The following MIER1 variants were observed in gnomAD, a reference collection of about 807,000 sequenced individuals.
MIER1 encodes mesoderm induction early response protein 1.
In MIER1, 40 loss-of-function variants were observed where a neutral mutation model predicts 75.7. The observed-to-expected ratio is 0.53, with a 90% CI of 0.41 to 0.69. MIER1 has a LOEUF of 0.69. Among genes scored for constraint, MIER1 ranks in the 30% least tolerant of loss-of-function variants. The pLI, the probability that MIER1 is intolerant of heterozygous loss-of-function variation, is 0.00. For synonymous variants in MIER1, 213 were observed against 223.4 expected, an observed-to-expected ratio of 0.95 and a Z score of 0.42; for missense variants, 574 against 680.2, an observed-to-expected ratio of 0.84 and a Z score of 1.74.
intron 4 of MIER1, among the ~76,000 whole-genome samples, chr1:66,950,271 G>A (rs1314823344): frequency 2.0e-5 from 3 of 152,054 alleles, no homozygotes; most frequent in Non-Finnish European, 2.9e-5. Flanking sequence ...ACCAAGCCCA[G>A]CTAATTTTTG....
chr1:66,930,308 TC>T, intron 2 of MIER1: 3 of 1,574,498 alleles, frequency 1.9e-6, no homozygotes, highest in Non-Finnish European at 8.6e-7. Context: ...GCGGCCGGAG[TC>T]CCGTTGCTGA....
intron 10 of MIER1, 65 bp downstream of exon 10, chr1:66,971,801 A>G (rs1558098727): frequency 2.4e-6 from 2 of 819,710 alleles, no homozygotes; most frequent in Non-Finnish European, 4.0e-6. Context: ...TTTTCAGTTT[A>G]CCTAGGTATA....
intron 8 of MIER1, 21 bp from the exon 9 acceptor site, chr1:66,970,787 C>G: frequency 6.6e-7 from 1 of 1,514,122 alleles, no homozygotes; most frequent in Non-Finnish European, 8.8e-7. Context: ...ATTTGTTTAA[C>G]ATTGTCTTTT....
intron 4 of MIER1, among the ~76,000 whole-genome samples, chr1:66,951,030 T>C (rs1010902487): frequency 6.6e-6 from 1 of 152,206 alleles, no homozygotes; most frequent in African/African-American, 2.4e-5. Flanking sequence ...ATGACTAACC[T>C]CCTGATGTGA....
intron 7 of MIER1, among the ~76,000 whole-genome samples, chr1:66,961,598 A>G (rs1306003608): frequency 2.0e-5 from 3 of 152,204 alleles, no homozygotes; most frequent in Non-Finnish European, 4.4e-5. Flanking sequence ...TTATGTTAGA[A>G]TCATTTGGAT....
intron 8 of MIER1, among the ~76,000 whole-genome samples, chr1:66,966,952 A>T (rs577616650): frequency 6.6e-6 from 1 of 152,244 alleles, no homozygotes; most frequent in African/African-American, 2.4e-5. Flanking sequence ...ATTTTCTCCC[A>T]TTCTGTAGGT....
chr1:66,951,340 G>T (rs951296326), intron 4 of MIER1, among the ~76,000 whole-genome samples: 5 of 151,966 alleles, frequency 3.3e-5, no homozygotes, highest in African/African-American at 1.2e-4. Flanking sequence ...TGTTGCCCAG[G>T]CTGGTCTTGA....
chr1:66,964,448 C>CTTTTTTTTTTTTTTTTT (rs71058483), intron 8 of MIER1, among the ~76,000 whole-genome samples: 3 of 119,800 alleles, frequency 2.5e-5, no homozygotes, highest in African/African-American at 9.6e-5. Flanking sequence ...TGTATGTTTC[C>CTTTTTTTTTTTTTTTTT]TTTTTTTTTT....
chr1:66,970,954 G>GA lies in MIER1; in HGVS notation c.921dup (p.Gln308ThrfsTer5). 1 of 1,576,272 alleles carries GA rather than the reference G, an allele frequency of 6.3e-7. No individual in the cohort carries two copies. The highest frequency in any genetic ancestry group is 8.6e-7 in the Non-Finnish European group (1 of 1,169,150). ...TGAAGGATCTCACATAAAAGACAAT[G>GA]AACAGGTCTGTGAAAGAAACAACTG... On this transcript the variant is annotated frameshift_variant, in exon 9 of 14. Coordinates refer to ENST00000401041, the MANE Select transcript of MIER1 (RefSeq NM_001077700.3). LOFTEE classifies it high-confidence loss of function.
intron 4 of MIER1, among the ~76,000 whole-genome samples, chr1:66,952,382 T>G (rs1659171400): frequency 6.6e-6 from 1 of 152,180 alleles, no homozygotes; most frequent in South Asian, 2.1e-4. Flanking sequence ...TATTCATCCT[T>G]AAATCTTTTT....
intron 3 of MIER1, 161 bp downstream of exon 3, chr1:66,940,213 G>T: frequency 4.4e-6 from 2 of 459,700 alleles, no homozygotes; most frequent in East Asian, 3.9e-5. Context: ...GACTGCCCAT[G>T]AAAGTACAGG....
rs138622082 is a variant in MIER1 at position 66,981,148 on chromosome 1, C to G, written c.1230-631C>G. 1.2e-4 allele frequency among the ~76,000 whole-genome samples: 18 copies of G among 152,254 alleles called. No individual in the cohort carries two copies. In the East Asian group the frequency reaches 3.3e-3, roughly 28 times the overall value. ...CACTAAACCTGAGAGAGACAAATCT[C>G]TATCCCAGATCTGCTCACCAATGTC... On this transcript the variant is annotated intron_variant, in intron 12 of 13. Coordinates refer to ENST00000401041, the MANE Select transcript of MIER1 (RefSeq NM_001077700.3).
At chr1:66,984,241 C>T (rs1011479527) in intron 13 of MIER1, among the ~76,000 whole-genome samples, 7 of 152,204 alleles carry the variant, frequency 4.6e-5, no homozygotes, top group African/African-American at 1.7e-4. Context: ...GGATCCAGTG[C>T]TTGTTTGCTG....
chr1:66,969,627 A>G (rs911736888), intron 8 of MIER1, among the ~76,000 whole-genome samples: 2 of 151,436 alleles, frequency 1.3e-5, no homozygotes, highest in African/African-American at 4.8e-5. Context: ...TTCTTTTCAT[A>G]ATAAAAGAAA....
chr1:66,955,229 T>G (rs1659845785), intron 4 of MIER1, among the ~76,000 whole-genome samples: 1 of 152,112 alleles, frequency 6.6e-6, no homozygotes, highest in Non-Finnish European at 1.5e-5. Flanking sequence ...ATGTTCAAGC[T>G]TTATTACCTC....
At chr1:66,972,774 T>C (rs925560600) in intron 10 of MIER1, 123 bp from the exon 11 acceptor site, 2 of 578,478 alleles carry the variant, frequency 3.5e-6, no homozygotes, top group Non-Finnish European at 6.2e-6. Flanking sequence ...CAATTAGTAA[T>C]AGAGCTCAGG....
At chr1:66,962,330 A>G (rs1286672433) in intron 7 of MIER1, among the ~76,000 whole-genome samples, 2 of 152,184 alleles carry the variant, frequency 1.3e-5, no homozygotes, top group African/African-American at 4.8e-5. Flanking sequence ...TATTTCATTT[A>G]GAGTTTCTTT....
At chr1:66,945,927 A>G (rs1657533002) in intron 3 of MIER1, among the ~76,000 whole-genome samples, 1 of 152,156 alleles carries the variant, frequency 6.6e-6, no homozygotes, top group South Asian at 2.1e-4. Flanking sequence ...TATTATTTAC[A>G]ATTTTTTCAT....
intron 1 of MIER1, chr1:66,925,551 G>T: frequency 1.0e-6 from 1 of 985,390 alleles, no homozygotes; most frequent in African/African-American, 1.7e-5. Flanking sequence ...AGCGCCCTGG[G>T]CCAACTTGCC....
Sources: allele counts gnomAD v4.1 joint callset (sites outside exome capture counted in the v4.1 genomes callset), GRCh38; gene constraint gnomAD v4.1.1; transcripts MANE v1.5; gene names NCBI Gene and HGNC (gene_info 2026-07-23, HGNC 2026-07-21).